SLC35F4: variants seen among roughly 807,000 people sequenced by gnomAD.
SLC35F4 encodes solute carrier family 35 member F4.
SLC35F4 carries 24 observed loss-of-function variants against 44.2 expected under a neutral mutation model. That is an observed-to-expected ratio of 0.54 (90% CI 0.39 to 0.76). The LOEUF (loss-of-function observed/expected upper bound fraction) is 0.76. SLC35F4 is among the 30% of genes least tolerant of loss of function. The pLI is 0.00. For synonymous variants in SLC35F4, 238 were observed against 223.6 expected, an observed-to-expected ratio of 1.06 and a Z score of -0.57; for missense variants, 562 against 586.1, an observed-to-expected ratio of 0.96 and a Z score of 0.42.
chr14:57,573,545 T>G (rs1262888253), intron 4 of SLC35F4, among the ~76,000 whole-genome samples: 2 of 152,126 alleles, frequency 1.3e-5, no homozygotes, highest in Non-Finnish European at 1.5e-5. Context: ...AGTAATAGAC[T>G]CATCAATAAA....
At chr14:57,966,797 G>A (rs758209772) in intron 1 of SLC35F4, among the ~76,000 whole-genome samples, 1 of 152,178 alleles carries the variant, frequency 6.6e-6, no homozygotes, top group Non-Finnish European at 1.5e-5. Context: ...ATCACCTGAA[G>A]TCAGGAGCTC....
At chr14:57,685,662 A>T (rs2075045622) in intron 1 of SLC35F4, among the ~76,000 whole-genome samples, 1 of 152,198 alleles carries the variant, frequency 6.6e-6, no homozygotes, top group African/African-American at 2.4e-5. Flanking sequence ...TTCAAGGGTA[A>T]TTATTACAAA....
At chr14:57,688,320 T>G (rs56162509) in intron 1 of SLC35F4, among the ~76,000 whole-genome samples, 1 of 152,242 alleles carries the variant, frequency 6.6e-6, no homozygotes, top group African/African-American at 2.4e-5. Flanking sequence ...CAAGTAAAAT[T>G]TGGGATAAAT....
chr14:57,802,138 C>T (rs1286614984), intron 1 of SLC35F4, among the ~76,000 whole-genome samples: 2 of 152,120 alleles, frequency 1.3e-5, no homozygotes, highest in Non-Finnish European at 2.9e-5. Context: ...GTCTCTTAGA[C>T]CACAGCACAA....
At chr14:57,750,096 T>A (rs966666359) in intron 1 of SLC35F4, among the ~76,000 whole-genome samples, 4 of 151,824 alleles carry the variant, frequency 2.6e-5, no homozygotes, top group African/African-American at 7.3e-5. Flanking sequence ...TATGGCCATA[T>A]GTACACATTT....
At chr14:57,734,543 ATC>A (rs1263963005) in intron 1 of SLC35F4, among the ~76,000 whole-genome samples, 1 of 152,166 alleles carries the variant, frequency 6.6e-6, no homozygotes, top group Admixed American at 6.5e-5. Flanking sequence ...TCTCCATGCA[ATC>A]CACATGTAAA....
intron 1 of SLC35F4, among the ~76,000 whole-genome samples, chr14:57,690,214 T>A (rs977157675): frequency 6.6e-6 from 1 of 152,224 alleles, no homozygotes; most frequent in Non-Finnish European, 1.5e-5. Context: ...ATAAGCTGTT[T>A]ATTTGGCAAA....
rs191575730 is a variant in SLC35F4 at position 57,704,712 on chromosome 14, T to A, written c.104-110588A>T. 9.2e-5 allele frequency among the ~76,000 whole-genome samples: 14 copies of A among 152,218 alleles called. No homozygotes were observed. The East Asian group carries it at 2.7e-3, about 29-fold the overall frequency. On this transcript the variant is annotated intron_variant, in intron 1 of 7. Coordinates refer to ENST00000556826, the MANE Select transcript of SLC35F4 (RefSeq NM_001306087.2). Reference sequence around the variant, plus strand: ...AGATATACTCTCCCTACACATAAATTTAGGCCTCTGTGCAAAGAAAGAGCT... The same window carrying A: ...AGATATACTCTCCCTACACATAAATATAGGCCTCTGTGCAAAGAAAGAGCT...
chr14:57,779,074 A>T (rs1449569073), intron 1 of SLC35F4, among the ~76,000 whole-genome samples: 2 of 152,128 alleles, frequency 1.3e-5, no homozygotes, highest in Non-Finnish European at 2.9e-5. Context: ...TAGAGAAGCA[A>T]GAAGCAACTA....
chr14:57,696,702 G>A (rs1212302909), intron 1 of SLC35F4, among the ~76,000 whole-genome samples: 2 of 152,220 alleles, frequency 1.3e-5, no homozygotes, highest in East Asian at 3.9e-4. Flanking sequence ...TAAAGAAAAT[G>A]TGGCATATAT....
chr14:57,714,308 T>A (rs1204851744), intron 1 of SLC35F4, among the ~76,000 whole-genome samples: 1 of 152,156 alleles, frequency 6.6e-6, no homozygotes, highest in Non-Finnish European at 1.5e-5. Flanking sequence ...CAAAACATGA[T>A]AAATAAAAAT....
At chr14:57,941,996 T>G (rs1335285501) in intron 1 of SLC35F4, among the ~76,000 whole-genome samples, 1 of 152,222 alleles carries the variant, frequency 6.6e-6, no homozygotes, top group Non-Finnish European at 1.5e-5. Flanking sequence ...ATCTGTGGGC[T>G]GCAAAGTCTT....
chr14:57,860,096 C>G (rs1044788300), intron 1 of SLC35F4, among the ~76,000 whole-genome samples: 2 of 152,134 alleles, frequency 1.3e-5, no homozygotes, highest in African/African-American at 4.8e-5. Context: ...TGAGAGGACA[C>G]AGCTGAAGCT....
At chr14:57,706,150 AATGATCGG>A (rs1480203484) in intron 1 of SLC35F4, among the ~76,000 whole-genome samples, 4 of 152,194 alleles carry the variant, frequency 2.6e-5, no homozygotes, top group Non-Finnish European at 5.9e-5. Flanking sequence ...GTGAACTGTG[AATGATCGG>A]TTACTAGTAA....
chr14:57,647,606 A>G (rs1346962591), intron 1 of SLC35F4, among the ~76,000 whole-genome samples: 2 of 152,124 alleles, frequency 1.3e-5, no homozygotes, highest in Non-Finnish European at 2.9e-5. Context: ...AAGAAAGAGG[A>G]ATCCTGGCCT....
intron 1 of SLC35F4, among the ~76,000 whole-genome samples, chr14:57,966,949 G>A (rs561392127): frequency 1.1e-4 from 17 of 152,074 alleles, no homozygotes; most frequent in African/African-American, 3.9e-4. Context: ...AGCAGAGATT[G>A]CAGTGAACTG....
chr14:57,807,600 T>G (rs574988919), intron 1 of SLC35F4, among the ~76,000 whole-genome samples: 1 of 151,926 alleles, frequency 6.6e-6, no homozygotes, highest in African/African-American at 2.4e-5. Context: ...TTGAAAAAAC[T>G]CCAAGCCAAA....
At chr14:57,676,394 C>T (rs574900432) in intron 1 of SLC35F4, among the ~76,000 whole-genome samples, 3 of 151,992 alleles carry the variant, frequency 2.0e-5, no homozygotes, top group South Asian at 2.1e-4. Context: ...AACACATGGA[C>T]GCAGGGGCAA....
intron 1 of SLC35F4, among the ~76,000 whole-genome samples, chr14:57,650,262 A>G (rs1286527512): frequency 1.3e-5 from 2 of 152,036 alleles, no homozygotes; most frequent in Non-Finnish European, 2.9e-5. Flanking sequence ...ACAGCTCAAA[A>G]TATCTCACAT....
Sources: allele counts gnomAD v4.1 joint callset (sites outside exome capture counted in the v4.1 genomes callset), GRCh38; gene constraint gnomAD v4.1.1; transcripts MANE v1.5; gene names NCBI Gene and HGNC (gene_info 2026-07-23, HGNC 2026-07-21).